The following KCNH7 variants were observed in gnomAD, a reference collection of about 807,000 sequenced individuals.
The protein encoded by KCNH7 is potassium voltage-gated channel subfamily H member 7.
Under a neutral mutation model 120.8 loss-of-function variants are expected in KCNH7, and 49 were observed. The ratio of observed to expected loss-of-function variants is 0.41; its 90% confidence interval spans 0.32 to 0.51. KCNH7 has a LOEUF of 0.51. Ranked by LOEUF, KCNH7 falls within the 20% of genes least tolerant of loss-of-function variation. KCNH7 has a pLI of 0.38. For missense variants in KCNH7, 1,097 were observed against 1,446.6 expected (o/e 0.76, Z 3.92); for synonymous variants, 547 against 516.1 (o/e 1.06, Z -0.81).
At chr2:162,752,075 T>C (rs1369316541) in intron 2 of KCNH7, among the ~76,000 whole-genome samples, 2 of 152,282 alleles carry the variant, frequency 1.3e-5, no homozygotes, top group South Asian at 2.1e-4. Flanking sequence ...TCCTTATTTT[T>C]GTCTATGATT....
intron 8 of KCNH7, among the ~76,000 whole-genome samples, chr2:162,425,026 C>T (rs1687813611): frequency 1.3e-5 from 2 of 152,078 alleles, no homozygotes; most frequent in South Asian, 4.2e-4. Flanking sequence ...GGGTGGGCTG[C>T]ATCCAACTCA....
At chr2:162,668,430 A>G (rs936751631) in intron 2 of KCNH7, among the ~76,000 whole-genome samples, 18 of 152,204 alleles carry the variant, frequency 1.2e-4, no homozygotes, top group African/African-American at 4.1e-4. Context: ...TACCAGGTAG[A>G]GGAAGGACAA....
chr2:162,542,806 G>C (rs553807297), intron 2 of KCNH7, among the ~76,000 whole-genome samples: 13 of 152,164 alleles, frequency 8.5e-5, no homozygotes, highest in African/African-American at 2.9e-4. Flanking sequence ...TCTAGTTCTA[G>C]ATCCCAGAGG....
At chr2:162,837,081 C>A (rs568912452) in intron 1 of KCNH7, among the ~76,000 whole-genome samples, 3 of 152,176 alleles carry the variant, frequency 2.0e-5, no homozygotes, top group South Asian at 2.1e-4. Flanking sequence ...AGACAAGCAG[C>A]TGCCCATTGA....
chr2:162,656,766 G>A (rs1213485016), intron 2 of KCNH7, among the ~76,000 whole-genome samples: 1 of 152,116 alleles, frequency 6.6e-6, no homozygotes, highest in East Asian at 1.9e-4. Context: ...TTGCTGTGGA[G>A]CATCAAAGGA....
At chr2:162,721,689 T>C (rs1203839272) in intron 2 of KCNH7, among the ~76,000 whole-genome samples, 1 of 152,090 alleles carries the variant, frequency 6.6e-6, no homozygotes, top group Non-Finnish European at 1.5e-5. Flanking sequence ...GTATCTCAAG[T>C]GCTCTAAGTA....
intron 2 of KCNH7, among the ~76,000 whole-genome samples, chr2:162,779,821 C>T (rs1343000947): frequency 2.0e-5 from 3 of 152,140 alleles, no homozygotes; most frequent in African/African-American, 7.2e-5. Flanking sequence ...AACCACTGGA[C>T]ACAGTAATTA....
intron 2 of KCNH7, among the ~76,000 whole-genome samples, chr2:162,666,866 C>A (rs79216530): frequency 0.024 from 3,615 of 152,150 alleles, 167 homozygotes; most frequent in African/African-American, 0.082. Context: ...TAAAAATTAT[C>A]TTTTCTTTTA....
At chr2:162,699,433 A>C (rs542377265) in intron 2 of KCNH7, among the ~76,000 whole-genome samples, 6 of 152,200 alleles carry the variant, frequency 3.9e-5, no homozygotes, top group African/African-American at 1.4e-4. Context: ...TTCCCCAATA[A>C]ATTTATTTTA....
intron 2 of KCNH7, among the ~76,000 whole-genome samples, chr2:162,627,868 C>G (rs1683614058): frequency 6.7e-6 from 1 of 150,328 alleles, no homozygotes; most frequent in Non-Finnish European, 1.5e-5. Context: ...ATTGCAGTGA[C>G]CTGTGCTGAG....
At chr2:162,714,192 C>T (rs1371395283) in intron 2 of KCNH7, among the ~76,000 whole-genome samples, 1 of 152,148 alleles carries the variant, frequency 6.6e-6, no homozygotes, top group African/African-American at 2.4e-5. Flanking sequence ...AGACTCCAGC[C>T]TGGGGGTTAT....
At chr2:162,471,896 A>G (rs975751950) in intron 6 of KCNH7, among the ~76,000 whole-genome samples, 1 of 152,200 alleles carries the variant, frequency 6.6e-6, no homozygotes, top group Admixed American at 6.5e-5. Flanking sequence ...AGAGATATAG[A>G]CCAATGGAAC....
chr2:162,815,312 G>T (rs1684880167), intron 2 of KCNH7, among the ~76,000 whole-genome samples: 1 of 152,040 alleles, frequency 6.6e-6, no homozygotes, highest in Non-Finnish European at 1.5e-5. Context: ...AGTAATCAGA[G>T]TAATATTAAA....
At chr2:162,724,125 C>T (rs960953907) in intron 2 of KCNH7, among the ~76,000 whole-genome samples, 3 of 152,060 alleles carry the variant, frequency 2.0e-5, no homozygotes, top group Non-Finnish European at 4.4e-5. Context: ...TTTTCTAGAC[C>T]TGTTAACATA....
At chr2:162,476,239 C>G (rs1574004944) in intron 6 of KCNH7, among the ~76,000 whole-genome samples, 1 of 152,276 alleles carries the variant, frequency 6.6e-6, no homozygotes, top group African/African-American at 2.4e-5. Flanking sequence ...GAAAATTACA[C>G]TGAAACTTTA....
chr2:162,469,942 C>G (rs751433417), intron 6 of KCNH7, among the ~76,000 whole-genome samples: 1 of 152,238 alleles, frequency 6.6e-6, no homozygotes, highest in South Asian at 2.1e-4. Flanking sequence ...CTCCTGACCG[C>G]GAGTGATCCG....
chr2:162,682,794 C>G (rs1472312284), intron 2 of KCNH7, among the ~76,000 whole-genome samples: 1 of 151,570 alleles, frequency 6.6e-6, no homozygotes, highest in East Asian at 1.9e-4. Context: ...ACAAAGAGAC[C>G]TATCTGTATT....
intron 2 of KCNH7, among the ~76,000 whole-genome samples, chr2:162,718,349 A>C (rs1687204440): frequency 6.6e-6 from 1 of 152,014 alleles, no homozygotes. Flanking sequence ...CATTGTCTAA[A>C]CATGTTTCTT....
At chr2:162,728,610 C>T (rs1379772057) in intron 2 of KCNH7, among the ~76,000 whole-genome samples, 2 of 152,120 alleles carry the variant, frequency 1.3e-5, no homozygotes, top group Non-Finnish European at 2.9e-5. Flanking sequence ...GAAACCCTGT[C>T]TCTACTAAAA....
Sources: allele counts gnomAD v4.1 joint callset (sites outside exome capture counted in the v4.1 genomes callset), GRCh38; gene constraint gnomAD v4.1.1; transcripts MANE v1.5; gene names NCBI Gene and HGNC (gene_info 2026-07-23, HGNC 2026-07-21).